The following CCDC63 variants were observed in gnomAD, a reference collection of about 807,000 sequenced individuals.
CCDC63 encodes coiled-coil domain containing 63, also known as coiled-coil domain-containing protein 63.
In CCDC63, 54 loss-of-function variants were observed where a neutral mutation model predicts 63.6. That is an observed-to-expected ratio of 0.85 (90% CI 0.68 to 1.07). CCDC63 has a LOEUF of 1.07. Ranked by LOEUF, CCDC63 falls within the 50% of genes least tolerant of loss-of-function variation. The pLI, the probability that CCDC63 is intolerant of heterozygous loss-of-function variation, is 0.00. For missense variants in CCDC63, 637 were observed against 689.6 expected (o/e 0.92, Z 0.86); for synonymous variants, 253 against 266.1 (o/e 0.95, Z 0.48).
chr12:110,897,316 G>A (rs907506939), intron 9 of CCDC63, among the ~76,000 whole-genome samples: 1 of 151,104 alleles, frequency 6.6e-6, no homozygotes, highest in Non-Finnish European at 1.5e-5. Context: ...GAACTGGCAT[G>A]GTGGCTCACA....
At chr12:110,858,932 C>T (rs1248825126) in intron 4 of CCDC63, among the ~76,000 whole-genome samples, 157 bp downstream of exon 4, 1 of 152,172 alleles carries the variant, frequency 6.6e-6, no homozygotes, top group Non-Finnish European at 1.5e-5. Context: ...CGTCTCGCTA[C>T]CCTTGAGACC....
At position 110,880,008 on chromosome 12, in the gene CCDC63, C is replaced by CT; in HGVS notation, c.592_593insT (p.Gln198LeufsTer18). 1 of 1,614,202 alleles carries CT rather than the reference C, an allele frequency of 6.2e-7. No individual in the cohort carries two copies. Among genetic ancestry groups the CT allele is most frequent in the Non-Finnish European group, 8.5e-7 (1 of 1,180,026 alleles). On this transcript the variant is annotated frameshift_variant, in exon 6 of 12. Coordinates refer to ENST00000308208, the MANE Select transcript of CCDC63 (RefSeq NM_152591.3). LOFTEE classifies it high-confidence loss of function. ...GGCTGCTTATGACAATGTCTACCAG[C>CT]AGCTCCAGCACTGCCTGTTGATGGA...
intron 4 of CCDC63, among the ~76,000 whole-genome samples, chr12:110,869,444 G>A (rs1275973501): frequency 6.6e-6 from 1 of 152,100 alleles, no homozygotes. Context: ...TTAGGATCTG[G>A]TACTTACTAG....
intron 8 of CCDC63, among the ~76,000 whole-genome samples, chr12:110,890,784 T>C (rs1001471791): frequency 6.8e-6 from 1 of 146,744 alleles, no homozygotes; most frequent in Admixed American, 6.8e-5. Context: ...TTTTTTTTTT[T>C]TTTTTTTTTT....
At position 110,874,057 on chromosome 12, in the gene CCDC63, A is replaced by T. The variant is rs746031107; in HGVS notation, c.489+96A>T. 1.7e-5 allele frequency: 25 copies of T among 1,460,338 alleles called. 1 individual carries two copies. Among genetic ancestry groups the T allele is most frequent in the Admixed American group, 4.5e-5 (2 of 44,680 alleles). The allele number at this position is 1,460,338 out of a possible 1,614,324, so 90.5% of individuals were successfully genotyped here. The stretch of plus-strand genomic sequence containing the variant: ...GCCCAGCCATTAGCAGAACATACCC[A>T]TTTCCCTGGTTGACTCAGGAGCAGG... On this transcript the variant is annotated intron_variant, in intron 5 of 11. Coordinates refer to ENST00000308208, the MANE Select transcript of CCDC63 (RefSeq NM_152591.3).
At chr12:110,868,315 C>G (rs2071005043) in intron 4 of CCDC63, among the ~76,000 whole-genome samples, 1 of 135,834 alleles carries the variant, frequency 7.4e-6, no homozygotes, top group South Asian at 2.2e-4. Context: ...ACGCTCCTCA[C>G]TTCCCAGACG....
At chr12:110,865,413 G>C (rs2070929025) in intron 4 of CCDC63, among the ~76,000 whole-genome samples, 1 of 122,560 alleles carries the variant, frequency 8.2e-6, no homozygotes, top group Non-Finnish European at 1.6e-5. Flanking sequence ...TATTGTTTAA[G>C]ATTTCATTAG....
intron 10 of CCDC63, among the ~76,000 whole-genome samples, chr12:110,900,982 G>T (rs187281295): frequency 2.9e-4 from 44 of 152,294 alleles, no homozygotes; most frequent in Admixed American, 2.6e-3. Context: ...TGATTTGCTA[G>T]AGGACTTCCA....
intron 3 of CCDC63, among the ~76,000 whole-genome samples, chr12:110,856,803 C>T (rs537231150): frequency 4.0e-4 from 60 of 150,928 alleles, no homozygotes; most frequent in Admixed American, 6.6e-4. Flanking sequence ...ACTTTTTGGC[C>T]GGTTTGCCAA....
chr12:110,853,576 T>G lies in CCDC63; in HGVS notation c.179+2T>G. 6.2e-7 allele frequency: 1 copy of G among 1,614,136 alleles called. No homozygotes were observed. The highest frequency in any genetic ancestry group is 8.5e-7 in the Non-Finnish European group (1 of 1,180,030). On this transcript the variant is annotated splice_donor_variant, in intron 3 of 11. Coordinates refer to ENST00000308208, the MANE Select transcript of CCDC63 (RefSeq NM_152591.3). LOFTEE classifies it high-confidence loss of function. ...CCAGCAGAAGATTGCGAGTCAGTAG[T>G]AAGTGATGGTTGGAGTTTCGCACTG...
chr12:110,857,669 TG>T (rs1463376987), intron 3 of CCDC63, among the ~76,000 whole-genome samples: 2 of 152,208 alleles, frequency 1.3e-5, no homozygotes, highest in African/African-American at 4.8e-5. Flanking sequence ...TGTTCCATTG[TG>T]CAGTCTTTCA....
chr12:110,890,044 G>C (rs2071336618), intron 8 of CCDC63, among the ~76,000 whole-genome samples: 1 of 151,956 alleles, frequency 6.6e-6, no homozygotes, highest in Admixed American at 6.6e-5. Context: ...AAAATTTTTA[G>C]CACTTTGGGA....
intron 10 of CCDC63, among the ~76,000 whole-genome samples, chr12:110,901,035 G>GTTT: frequency 6.6e-6 from 1 of 152,306 alleles, no homozygotes; most frequent in East Asian, 1.9e-4. Flanking sequence ...ATTTATTACA[G>GTTT]TAAAAGGGTA....
intron 3 of CCDC63, among the ~76,000 whole-genome samples, chr12:110,855,332 G>A (rs1354565276): frequency 6.6e-6 from 1 of 152,174 alleles, no homozygotes; most frequent in Non-Finnish European, 1.5e-5. Context: ...TCCTAGGGTT[G>A]TGCAGGCCAC....
chr12:110,876,879 C>CAAAAAAAAAAAAAA (rs57300765), intron 5 of CCDC63, among the ~76,000 whole-genome samples: 1 of 110,970 alleles, frequency 9.0e-6, no homozygotes, highest in African/African-American at 3.2e-5. Flanking sequence ...ACTAAAAATA[C>CAAAAAAAAAAAAAA]AAAAAAAAAA....
intron 9 of CCDC63, among the ~76,000 whole-genome samples, chr12:110,894,561 C>A (rs575223284): frequency 6.6e-6 from 1 of 152,196 alleles, no homozygotes; most frequent in Non-Finnish European, 1.5e-5. Context: ...TGGATGGCAG[C>A]AAAGCACATG....
Position 110,884,049 on chromosome 12 carries a change from T to G in CCDC63, c.873T>G (p.His291Gln), listed in dbSNP as rs188742055. 5 of 1,613,908 alleles carry G rather than the reference T, an allele frequency of 3.1e-6. No homozygotes were observed. The highest frequency in any genetic ancestry group is 4.2e-6 in the Non-Finnish European group (5 of 1,179,840). Residue 291 changes from histidine to glutamine, a missense_variant, in exon 8 of 12, where the codon CAT becomes CAG. Transcript: ENST00000308208. ...KREEALKAKK[H>Q]VKKNRGESFE... ...TCCTAGCTCTCAAGGCAAAGAAGCA[T>G]GTCAAGAAGAACAGGGGAGAGAGTT...
intron 8 of CCDC63, among the ~76,000 whole-genome samples, chr12:110,888,783 TTCTTTCCTTCCTTCC>T (rs2071317069): frequency 6.8e-6 from 1 of 146,230 alleles, no homozygotes; most frequent in South Asian, 2.3e-4. Flanking sequence ...TTTTTGGTCC[TTCTTTCCTTCCTTCC>T]TTCCTTCCTT....
intron 1 of CCDC63, among the ~76,000 whole-genome samples, chr12:110,847,320 T>C (rs551853607): frequency 6.6e-6 from 1 of 152,206 alleles, no homozygotes; most frequent in Admixed American, 6.5e-5. Context: ...TTCTAGCACT[T>C]TGGGAGGCTG....
Sources: gnomAD v4.1 joint callset for allele counts (sites outside exome capture counted in the v4.1 genomes callset) on GRCh38, gnomAD v4.1.1 for gene constraint, MANE v1.5 for transcripts, NCBI Gene and HGNC (gene_info 2026-07-23, HGNC 2026-07-21) for gene names.